Variants in ANKS1A observed in about 807,000 individuals in gnomAD.
ANKS1A encodes ankyrin repeat and SAM domain-containing protein 1A.
In ANKS1A, 55 loss-of-function variants were observed where a neutral mutation model predicts 120.3. The ratio of observed to expected loss-of-function variants is 0.46; its 90% CI spans 0.37 to 0.57. ANKS1A has a LOEUF of 0.57. Among genes scored for constraint, ANKS1A ranks in the 20% least tolerant of loss-of-function variants. The pLI is 0.00. For synonymous variants in ANKS1A, 590 were observed against 604.7 expected (o/e 0.98, Z 0.36); for missense variants, 1,123 against 1,480.3 (o/e 0.76, Z 3.96).
intron 11 of ANKS1A, among the ~76,000 whole-genome samples, chr6:35,040,367 CCCTCGTCTTCCTTT>C (rs1343895336): frequency 6.6e-6 from 1 of 152,238 alleles, no homozygotes; most frequent in African/African-American, 2.4e-5. Context: ...CCTCCTGCGG[CCCTCGTCTTCCTTT>C]CCTCCATTTC....
In ANKS1A at chr6:34,949,696, A is replaced by G. The variant is rs1353214205; in HGVS notation, c.198-17543A>G. ...CCATGGCTGGGTTAGGTAGGAGTACATAACTGTTAGGTACAATTCGTACAA... is the reference window on the plus strand; with the variant it reads ...CCATGGCTGGGTTAGGTAGGAGTACGTAACTGTTAGGTACAATTCGTACAA... On this transcript the variant is annotated intron_variant, in intron 1 of 23. Coordinates refer to ENST00000360359, the MANE Select transcript of ANKS1A (RefSeq NM_015245.3). 3.3e-5 allele frequency among the ~76,000 whole-genome samples: 5 copies of G among 152,350 alleles called. No homozygotes were observed. In the East Asian group the frequency reaches 5.8e-4, roughly 18 times the overall value.
chr6:34,903,007 A>G (rs1732458918), intron 1 of ANKS1A, among the ~76,000 whole-genome samples: 1 of 152,164 alleles, frequency 6.6e-6, no homozygotes, highest in African/African-American at 2.4e-5. Flanking sequence ...GATATTTATG[A>G]AGACCTGATT....
chr6:34,939,121 T>C (rs1237400595), intron 1 of ANKS1A, among the ~76,000 whole-genome samples: 2 of 152,214 alleles, frequency 1.3e-5, no homozygotes, highest in Non-Finnish European at 2.9e-5. Context: ...TACTTAAGGC[T>C]TAGAGCACTG....
intron 1 of ANKS1A, among the ~76,000 whole-genome samples, chr6:34,909,932 G>A (rs1352303204): frequency 6.6e-6 from 1 of 152,244 alleles, no homozygotes; most frequent in Non-Finnish European, 1.5e-5. Flanking sequence ...ACGACTGCAG[G>A]TAACTGCCTG....
intron 1 of ANKS1A, among the ~76,000 whole-genome samples, chr6:34,950,134 T>A (rs145746640): frequency 2.0e-3 from 307 of 152,242 alleles, no homozygotes; most frequent in Admixed American, 3.5e-3. Context: ...GAGCTATGAT[T>A]ATGCTACTGC....
At position 35,017,689 on chromosome 6, in the gene ANKS1A, C is replaced by T. The variant is rs144183383; in HGVS notation, c.1640C>T (p.Thr547Met). The change falls in exon 11 of 24, where the codon ACG becomes ATG. Residue 547 changes from threonine to methionine, a missense_variant. By Grantham distance (81) the Thr-to-Met change is moderately conservative. Coordinates refer to ENST00000360359, the MANE Select transcript of ANKS1A (RefSeq NM_015245.3). Reference protein sequence around the residue: ...CHKASMQLEETGVHAPGASQP... With the variant: ...CHKASMQLEEMGVHAPGASQP... ...AAGGCCAGCATGCAGCTGGAGGAGACGGGTGTGCATGCTCCTGGAGCCTCC... is the reference window on the plus strand; with the variant it reads ...AAGGCCAGCATGCAGCTGGAGGAGATGGGTGTGCATGCTCCTGGAGCCTCC... The T allele has an allele frequency of 3.5e-5, 57 of 1,614,006 alleles. No homozygotes were observed. The African/African-American group carries it at 5.1e-4, about 14-fold the overall frequency.
chr6:35,067,547 G>A (rs958718726), intron 13 of ANKS1A, among the ~76,000 whole-genome samples: 5 of 152,278 alleles, frequency 3.3e-5, no homozygotes, highest in African/African-American at 9.6e-5. Flanking sequence ...TGGTGCCGTC[G>A]CCACAGGTGT....
chr6:34,974,724 A>C (rs986992218), intron 3 of ANKS1A, among the ~76,000 whole-genome samples: 2 of 152,186 alleles, frequency 1.3e-5, no homozygotes, highest in Non-Finnish European at 2.9e-5. Context: ...ATACGGCACT[A>C]TAATCTACCT....
chr6:35,025,737 T>G (rs1748206221), intron 11 of ANKS1A, among the ~76,000 whole-genome samples: 1 of 152,130 alleles, frequency 6.6e-6, no homozygotes, highest in African/African-American at 2.4e-5. Context: ...AAGGATAGGC[T>G]TCTCTTCTAG....
chr6:34,979,181 C>A (rs1459825713), intron 3 of ANKS1A, among the ~76,000 whole-genome samples: 1 of 152,144 alleles, frequency 6.6e-6, no homozygotes, highest in Non-Finnish European at 1.5e-5. Context: ...AGGCATGAGC[C>A]ACCGTGCCCG....
At chr6:35,074,417 TAGTG>T (rs749059424) in intron 13 of ANKS1A, among the ~76,000 whole-genome samples, 40 of 150,592 alleles carry the variant, frequency 2.7e-4, no homozygotes, top group Non-Finnish European at 4.1e-4. Flanking sequence ...TTGGGCAACA[TAGTG>T]AGACCCCATC....
At chr6:34,984,759 C>T (rs1201719716) in intron 7 of ANKS1A, among the ~76,000 whole-genome samples, 8 of 152,266 alleles carry the variant, frequency 5.3e-5, no homozygotes, top group African/African-American at 1.9e-4. Context: ...TTTTCAGTTA[C>T]ACCTTGCTAT....
At chr6:34,944,123 AC>A (rs1208150902) in intron 1 of ANKS1A, among the ~76,000 whole-genome samples, 9 of 152,130 alleles carry the variant, frequency 5.9e-5, no homozygotes, top group Admixed American at 1.3e-4. Context: ...AAATACAAAA[AC>A]AAAGTTAGCC....
intron 3 of ANKS1A, among the ~76,000 whole-genome samples, 157 bp from the exon 4 acceptor site, chr6:34,981,533 T>G (rs1016260395): frequency 2.6e-5 from 4 of 152,158 alleles, no homozygotes; most frequent in Admixed American, 1.3e-4. Flanking sequence ...TCAGGCTTGT[T>G]TGTGGGGGAG....
At chr6:35,095,583 CGAAAGAAAGAGAGAAA>C (rs71538289), downstream of ANKS1A, among the ~76,000 whole-genome samples, 18,972 of 104,016 alleles carry the variant, frequency 0.18, 1,697 homozygotes, top group African/African-American at 0.28. Flanking sequence ...AAAGGAAAGA[CGAAAGAAAGAGAGAAA>C]GAAAGAGAGA....
intron 8 of ANKS1A, among the ~76,000 whole-genome samples, chr6:34,986,500 C>T (rs916932793): frequency 6.6e-6 from 1 of 152,310 alleles, no homozygotes; most frequent in African/African-American, 2.4e-5. Context: ...ATTTTCAGGC[C>T]TGTGTTATTT....
At chr6:35,032,886 T>C (rs13219307) in intron 11 of ANKS1A, among the ~76,000 whole-genome samples, 22,239 of 152,220 alleles carry the variant, frequency 0.15, 2,302 homozygotes, top group African/African-American at 0.28. Flanking sequence ...CTTATGACTT[T>C]CTCACTTAAT....
At chr6:34,941,228 G>A (rs864037) in intron 1 of ANKS1A, among the ~76,000 whole-genome samples, 63 of 152,168 alleles carry the variant, frequency 4.1e-4, no homozygotes, top group Non-Finnish European at 7.5e-4. Flanking sequence ...CCTTGTGATC[G>A]GCCTGCCTTG....
At position 35,054,205 on chromosome 6, in the gene ANKS1A, A is replaced by T. The variant is rs374407746; in HGVS notation, c.2077+40A>T. 2.5e-6 allele frequency: 4 copies of T among 1,593,122 alleles called. No homozygotes were observed. The East Asian group carries it at 8.9e-5, about 36-fold the overall frequency. On this transcript the variant is annotated intron_variant, in intron 12 of 23. Coordinates refer to ENST00000360359, the MANE Select transcript of ANKS1A (RefSeq NM_015245.3). The stretch of plus-strand genomic sequence containing the variant: ...GGCCATTTTCCCCACAGAAACTGGC[A>T]GTCTGGCTCTTTTCTGGCTCAGGCT...
Sources: gnomAD v4.1 joint callset for allele counts (sites outside exome capture counted in the v4.1 genomes callset) on GRCh38, gnomAD v4.1.1 for gene constraint, MANE v1.5 for transcripts, NCBI Gene and HGNC (gene_info 2026-07-23, HGNC 2026-07-21) for gene names.